EPS15L1: variants seen among roughly 807,000 people sequenced by gnomAD.
EPS15L1 encodes the protein epidermal growth factor receptor substrate 15-like 1.
In EPS15L1, 43 loss-of-function variants were observed where a neutral mutation model predicts 117.1. The ratio of observed to expected loss-of-function variants is 0.37; its 90% CI spans 0.29 to 0.47. The LOEUF is 0.47. Among genes scored for constraint, EPS15L1 ranks in the 20% least tolerant of loss-of-function variants. EPS15L1 has a pLI of 0.99. For synonymous variants in EPS15L1, 459 were observed against 470.5 expected (o/e 0.98, Z 0.32); for missense variants, 981 against 1,164.0 (o/e 0.84, Z 2.29).
intron 19 of EPS15L1, among the ~76,000 whole-genome samples, chr19:16,387,507 C>A (rs571023164): frequency 6.6e-6 from 1 of 151,990 alleles, no homozygotes; most frequent in Non-Finnish European, 1.5e-5. Context: ...CTTGGGAGGC[C>A]GAGGCAGAAG....
chr19:16,432,055 G>C (rs970441747), intron 7 of EPS15L1, among the ~76,000 whole-genome samples: 1 of 152,168 alleles, frequency 6.6e-6, no homozygotes, highest in Non-Finnish European at 1.5e-5. Context: ...TTCGGTGTAT[G>C]ATAGGGGCCC....
In EPS15L1 at chr19:16,392,456, C is replaced by T. The variant is rs367891749; in HGVS notation, c.1967-16G>A. On this transcript the variant is annotated splice_polypyrimidine_tract_variant and intron_variant, in intron 18 of 23. Coordinates refer to ENST00000455140, the MANE Select transcript of EPS15L1 (RefSeq NM_001258374.3). ...CCAAATGGATCTAGAAGGAAAAATG[C>T]CCCATAAGTAAACATTATACCAAGT... 1.2e-6 allele frequency: 2 copies of T among 1,612,358 alleles called. No homozygotes were observed. The highest frequency in any genetic ancestry group is 8.5e-7 in the Non-Finnish European group (1 of 1,178,598).
At chr19:16,390,022 T>C (rs7260337) in intron 19 of EPS15L1, among the ~76,000 whole-genome samples, 8,098 of 152,052 alleles carry the variant, frequency 0.053, 507 homozygotes, top group African/African-American at 0.14. Context: ...TTAAACCATA[T>C]CAATAATTAC....
intron 16 of EPS15L1, among the ~76,000 whole-genome samples, chr19:16,397,234 C>A (rs1001623401): frequency 1.3e-5 from 2 of 151,910 alleles, no homozygotes; most frequent in African/African-American, 2.4e-5. Flanking sequence ...GGATTACAGG[C>A]GTGCACCACC....
In EPS15L1 at chr19:16,404,579, G is replaced by A. The variant is rs776667224; in HGVS notation, c.1428+9C>T. On this transcript the variant is annotated intron_variant, in intron 14 of 23. Coordinates refer to ENST00000455140, the MANE Select transcript of EPS15L1 (RefSeq NM_001258374.3). This position sits in a 1 kb window ranked among gnomAD's most constrained non-coding sequence, Gnocchi z 4.2. Reference sequence around the variant, plus strand: ...ATAGGGCGCTGCCCCGGAGGTGGCCGGGACCCACCATCTGAGTCTCATCCT... The same window carrying A: ...ATAGGGCGCTGCCCCGGAGGTGGCCAGGACCCACCATCTGAGTCTCATCCT... 14 of 1,613,794 alleles carry A rather than the reference G, an allele frequency of 8.7e-6. No individual in the cohort carries two copies. Among genetic ancestry groups the A allele is most frequent in the Middle Eastern group, 1.6e-4 (1 of 6,084 alleles).
At chr19:16,407,151 T>C (rs1296850337) in intron 13 of EPS15L1, among the ~76,000 whole-genome samples, 1 of 152,182 alleles carries the variant, frequency 6.6e-6, no homozygotes, top group Non-Finnish European at 1.5e-5. Context: ...CCAAATGGAC[T>C]AAGACACACA....
chr19:16,387,394 G>C (rs1412893797), intron 19 of EPS15L1, among the ~76,000 whole-genome samples: 1 of 152,120 alleles, frequency 6.6e-6, no homozygotes, highest in Non-Finnish European at 1.5e-5. Context: ...ATCACCTGAG[G>C]TCAGGAGTTT....
At chr19:16,436,898 G>A in intron 6 of EPS15L1, 39 bp downstream of exon 6, 1 of 1,510,640 alleles carries the variant, frequency 6.6e-7, no homozygotes, top group South Asian at 1.1e-5. Flanking sequence ...AATTCTATCT[G>A]AAGGAGAGCC....
Position 16,404,046 on chromosome 19 carries a change from C to T in EPS15L1, c.1429-116G>A. Reference sequence around the variant, plus strand: ...ACAAGCTAAGCCAGGGACGCAGACACCTAACCCAGGCCCGACACCTGGCTT... The same window carrying T: ...ACAAGCTAAGCCAGGGACGCAGACATCTAACCCAGGCCCGACACCTGGCTT... On this transcript the variant is annotated intron_variant, in intron 14 of 23. Transcript: ENST00000455140. The surrounding 1 kb of genome is among the most constrained non-coding windows in gnomAD (Gnocchi z 4.2). 1.1e-6 allele frequency: 1 copy of T among 951,048 alleles called. No homozygotes were observed. The highest frequency in any genetic ancestry group is 1.6e-6 in the Non-Finnish European group (1 of 630,182). 58.9% of individuals were successfully genotyped at this position (951,048 alleles called of 1,614,324 possible). A position where few individuals can be genotyped will look rare whatever the true frequency, so the allele number is the denominator to read the frequency against.
In EPS15L1 at chr19:16,427,966, G is replaced by A. The variant is rs565313261; in HGVS notation, c.558+736C>T. ...CGCCTGTAATCCCAGCACTTTGGGA[G>A]GCCAAGGCGGGTGGATCACTAGGCA... On this transcript the variant is annotated intron_variant, in intron 8 of 23. Transcript: ENST00000455140. Among the ~76,000 whole-genome samples, 7 of 151,744 alleles carry A rather than the reference G, an allele frequency of 4.6e-5. No individual in the cohort carries two copies. The South Asian group carries it at 8.3e-4, about 18-fold the overall frequency.
At chr19:16,433,709 G>A (rs2092951394) in intron 7 of EPS15L1, among the ~76,000 whole-genome samples, 1 of 151,342 alleles carries the variant, frequency 6.6e-6, no homozygotes, top group African/African-American at 2.4e-5. Context: ...GCTCACGCCT[G>A]TAATCCCAGC....
intron 16 of EPS15L1, among the ~76,000 whole-genome samples, chr19:16,397,820 A>G (rs937290675): frequency 5.3e-5 from 8 of 152,258 alleles, no homozygotes; most frequent in Non-Finnish European, 7.4e-5. Flanking sequence ...TATACATGGG[A>G]ACAATACAGT....
intron 7 of EPS15L1, among the ~76,000 whole-genome samples, chr19:16,431,249 C>CT (rs1239450231): frequency 2.1e-5 from 3 of 144,166 alleles, no homozygotes; most frequent in South Asian, 2.2e-4. Flanking sequence ...AAAAAAAAAA[C>CT]TTTTTTTTAA....
At chr19:16,372,144 G>A (rs2092233442) in intron 22 of EPS15L1, among the ~76,000 whole-genome samples, 1 of 152,202 alleles carries the variant, frequency 6.6e-6, no homozygotes, top group African/African-American at 2.4e-5. Context: ...GGCTTAGATG[G>A]AGACAGAACT....
chr19:16,409,418 T>C (rs1399536485), intron 13 of EPS15L1, among the ~76,000 whole-genome samples: 1 of 152,168 alleles, frequency 6.6e-6, no homozygotes, highest in Non-Finnish European at 1.5e-5. Flanking sequence ...GGATACATCA[T>C]GTGACCTGAG....
intron 6 of EPS15L1, chr19:16,436,716 C>A: frequency 2.2e-6 from 1 of 458,554 alleles, no homozygotes; most frequent in African/African-American, 2.0e-5. Flanking sequence ...ACTCCCAATT[C>A]CAGTGAAGGG....
intron 13 of EPS15L1, among the ~76,000 whole-genome samples, chr19:16,411,651 G>T (rs988121043): frequency 1.3e-4 from 20 of 152,186 alleles, no homozygotes; most frequent in African/African-American, 3.9e-4. Context: ...ACGGTTCAGT[G>T]TTTGCATATA....
intron 1 of EPS15L1, among the ~76,000 whole-genome samples, chr19:16,462,321 TG>T (rs78714622): frequency 0.039 from 5,986 of 152,146 alleles, 268 homozygotes; most frequent in Admixed American, 0.094. Context: ...CCACCAGGGC[TG>T]GGGTCCCGTT....
chr19:16,405,805 C>A lies in EPS15L1; in HGVS notation c.1267-1056G>T, dbSNP rs2092650452. 6.6e-6 allele frequency among the ~76,000 whole-genome samples: 1 copy of A among 152,248 alleles called. No individual in the cohort carries two copies. The highest frequency in any genetic ancestry group is 6.5e-5 in the Admixed American group (1 of 15,290). On this transcript the variant is annotated intron_variant, in intron 13 of 23. Coordinates refer to ENST00000455140, the MANE Select transcript of EPS15L1 (RefSeq NM_001258374.3). This position sits in a 1 kb window ranked among gnomAD's most constrained non-coding sequence, Gnocchi z 4.0. ...GGGATGGGGACACCCAAGAAGAGGG[C>A]AGAGGCTTCTCACCTCCTGATTTTC...
Sources: allele counts gnomAD v4.1 joint callset (sites outside exome capture counted in the v4.1 genomes callset), GRCh38; gene constraint gnomAD v4.1.1; non-coding constraint Gnocchi (gnomAD v3.1); transcripts MANE v1.5; gene names NCBI Gene and HGNC (gene_info 2026-07-23, HGNC 2026-07-21).